Variants in FGF13 observed in about 807,000 individuals in gnomAD.
The protein encoded by FGF13 is fibroblast growth factor homologous factor 2.
In FGF13, 2 loss-of-function variants were observed where a neutral mutation model predicts 19.5. The ratio of observed to expected loss-of-function variants is 0.10; its 90% CI spans 0.04 to 0.32. The LOEUF (loss-of-function observed/expected upper bound fraction) is 0.32, where lower values mean the gene tolerates loss of function less well. FGF13 is among the 10% of genes least tolerant of loss of function. The probability of loss-of-function intolerance (pLI) is 1.00; values close to 1 mark genes in which losing one functional copy is unlikely to be tolerated. For missense variants in FGF13, 113 were observed against 192.7 expected (o/e 0.59, Z 2.45); for synonymous variants, 72 against 76.9 (o/e 0.94, Z 0.33).
At chrX:138,647,379 T>C (rs2089319050) in intron 3 of FGF13, among the ~76,000 whole-genome samples, 1 of 111,693 alleles carries the variant, frequency 9.0e-6, no homozygotes, top group Admixed American at 9.6e-5. Context: ...AATGCTTACA[T>C]GTGTAGCTAT....
chrX:138,720,265 G>A (rs775448560), intron 1 of FGF13, among the ~76,000 whole-genome samples: 2 of 112,384 alleles, frequency 1.8e-5, no homozygotes, highest in South Asian at 7.4e-4. Context: ...AAGACCTGCT[G>A]TATGTCATCT....
intron 3 of FGF13, among the ~76,000 whole-genome samples, chrX:138,644,961 G>A (rs1052559039): frequency 1.8e-5 from 2 of 111,932 alleles, no homozygotes; most frequent in Non-Finnish European, 3.8e-5. Context: ...TTTTTATGAA[G>A]AATGCATTTC....
chrX:139,038,464 C>G (rs2092257618), intron 1 of FGF13, among the ~76,000 whole-genome samples: 1 of 111,531 alleles, frequency 9.0e-6, no homozygotes, highest in African/African-American at 3.3e-5. Context: ...ACTCCCTTGA[C>G]TCCTCTAGTT....
intron 1 of FGF13, among the ~76,000 whole-genome samples, chrX:139,076,930 G>T (rs369300481): frequency 1.8e-5 from 2 of 112,211 alleles, no homozygotes; most frequent in South Asian, 3.7e-4. Context: ...CTACACTACG[G>T]TCCAGGGAGA....
intron 1 of FGF13, among the ~76,000 whole-genome samples, chrX:138,991,112 G>C (rs982961611): frequency 8.9e-6 from 1 of 111,992 alleles, no homozygotes; most frequent in Non-Finnish European, 1.9e-5. Context: ...AATAGAGCTG[G>C]ACTGAAATTT....
At chrX:138,980,201 T>C (rs2091957645) in intron 1 of FGF13, among the ~76,000 whole-genome samples, 2 of 111,355 alleles carry the variant, frequency 1.8e-5, no homozygotes, top group South Asian at 3.8e-4. Flanking sequence ...ATCACCAAAA[T>C]AGATATTCTG....
intron 1 of FGF13, among the ~76,000 whole-genome samples, chrX:138,918,937 C>A (rs2091631293): frequency 9.0e-6 from 1 of 111,515 alleles, no homozygotes; most frequent in East Asian, 2.8e-4. Context: ...CTTATGCCTT[C>A]CAGTGTAATT....
chrX:138,945,892 AT>A (rs1349006184), intron 1 of FGF13, among the ~76,000 whole-genome samples: 3 of 111,518 alleles, frequency 2.7e-5, no homozygotes, highest in Admixed American at 9.6e-5. Context: ...AGTTTTTTGC[AT>A]TTTTTTAACT....
chrX:139,080,998 A>G lies in FGF13; in HGVS notation c.-113+122418T>C, dbSNP rs374648608. On this transcript the variant is annotated intron_variant, in intron 1 of 2. Transcript: ENST00000421460. ...AAAAATATAAACCTATTCCTTGACT[A>G]CGCATTCTCCCTCCTCCAGCCACCA... Among the ~76,000 whole-genome samples, 11 of 110,797 alleles carry G rather than the reference A, an allele frequency of 9.9e-5. 1 individual carries two copies. The highest frequency in any genetic ancestry group is 8.5e-4 in the East Asian group (3 of 3,531).
intron 3 of FGF13, among the ~76,000 whole-genome samples, chrX:138,794,891 GTGTT>G (rs1347827909): frequency 8.9e-6 from 1 of 111,976 alleles, no homozygotes; most frequent in African/African-American, 3.2e-5. Flanking sequence ...TACAATGCCT[GTGTT>G]TGTCCTTAAC....
At chrX:138,739,210 T>C (rs1376885675) in intron 1 of FGF13, 6 of 824,554 alleles carry the variant, frequency 7.3e-6, no homozygotes, top group Non-Finnish European at 1.1e-5. Flanking sequence ...CAAATCTATG[T>C]CCATCAAAAA....
rs34553958 is a variant in FGF13, at chrX:138,972,356, A to AT, written c.-112-107707dup. Reference sequence around the variant, plus strand: ...TCCCTTTCTACACATCTTCACCAGAATTTTTTTTTTTTTTTTTTGAATCAG... The same window carrying AT: ...TCCCTTTCTACACATCTTCACCAGAATTTTTTTTTTTTTTTTTTTGAATCAG... On this transcript the variant is annotated intron_variant, in intron 1 of 2. Coordinates refer to the FGF13 transcript ENST00000421460. Among the ~76,000 whole-genome samples, 291 of 78,090 alleles carry AT rather than the reference A, an allele frequency of 3.7e-3. 2 individuals carry two copies. The highest frequency in any genetic ancestry group is 0.021 in the Middle Eastern group (3 of 141). The allele number at this position is 78,090 out of a possible 115,157, so 67.8% of individuals were successfully genotyped here.
chrX:138,709,947 TA>T (rs1167014905), intron 1 of FGF13, among the ~76,000 whole-genome samples: 1 of 111,604 alleles, frequency 9.0e-6, no homozygotes, highest in African/African-American at 3.3e-5. Context: ...CGGTGACTCT[TA>T]TTTTTTTTGT....
chrX:138,889,759 T>G (rs1481531360), intron 1 of FGF13, among the ~76,000 whole-genome samples: 1 of 111,217 alleles, frequency 9.0e-6, no homozygotes, highest in Non-Finnish European at 1.9e-5. Context: ...GAACTGTATA[T>G]CAAGGCTAGA....
chrX:138,686,842 CATA>C (rs1444742368), intron 3 of FGF13, among the ~76,000 whole-genome samples: 1 of 111,672 alleles, frequency 9.0e-6, no homozygotes, highest in Non-Finnish European at 1.9e-5. Flanking sequence ...TTCAATGATG[CATA>C]ATAATATTTC....
intron 3 of FGF13, among the ~76,000 whole-genome samples, chrX:138,781,748 A>G (rs2090645145): frequency 8.9e-6 from 1 of 111,908 alleles, no homozygotes. Flanking sequence ...AAGTGGTACC[A>G]TTCCTTCTGA....
chrX:138,918,661 T>C (rs923019289), intron 1 of FGF13, among the ~76,000 whole-genome samples: 1 of 111,484 alleles, frequency 9.0e-6, no homozygotes, highest in African/African-American at 3.3e-5. Flanking sequence ...CTACAGTTGG[T>C]TGGGGGACAC....
At chrX:138,905,579 A>G (rs779117888) in intron 1 of FGF13, among the ~76,000 whole-genome samples, 1 of 111,959 alleles carries the variant, frequency 8.9e-6, no homozygotes, top group African/African-American at 3.2e-5. Flanking sequence ...GGCAGCTTTT[A>G]CTAGGTGTGA....
chrX:138,687,327 T>A (rs2124201425), intron 3 of FGF13, among the ~76,000 whole-genome samples: 1 of 111,123 alleles, frequency 9.0e-6, no homozygotes, highest in South Asian at 3.8e-4. Flanking sequence ...TAAATCCAAT[T>A]AAAAATTGGG....
Sources: gnomAD v4.1 joint callset for allele counts (sites outside exome capture counted in the v4.1 genomes callset) on GRCh38, gnomAD v4.1.1 for gene constraint, MANE v1.5 for transcripts, NCBI Gene and HGNC (gene_info 2026-07-23, HGNC 2026-07-21) for gene names.